The following MSH4 variants were observed in gnomAD, a reference collection of about 807,000 sequenced individuals.
MSH4 encodes the protein mutS homolog 4.
In MSH4, 106 loss-of-function variants were observed where a neutral mutation model predicts 113.7. The ratio of observed to expected loss-of-function variants is 0.93; its 90% CI spans 0.80 to 1.10. MSH4 has a LOEUF of 1.10. MSH4 is among the 50% of genes least tolerant of loss of function. The pLI, the probability that MSH4 is intolerant of heterozygous loss-of-function variation, is 0.00. For missense variants in MSH4, 1,061 were observed against 1,093.7 expected (o/e 0.97, Z 0.42); for synonymous variants, 368 against 380.2 (o/e 0.97, Z 0.37).
chr1:75,865,769 C>CACAA (rs563935596), intron 8 of MSH4, among the ~76,000 whole-genome samples: 29 of 152,316 alleles, frequency 1.9e-4, no homozygotes, highest in Admixed American at 1.1e-3. Flanking sequence ...AATTAGAACA[C>CACAA]ACAAGGCCAT....
At chr1:75,805,456 C>T (rs144182205) in intron 2 of MSH4, among the ~76,000 whole-genome samples, 2,204 of 149,366 alleles carry the variant, frequency 0.015, 52 homozygotes, top group African/African-American at 0.05. Flanking sequence ...GGCACCATCT[C>T]GGCTCATTGC....
chr1:75,899,717 T>G lies in MSH4; in HGVS notation c.2619+11T>G, dbSNP rs769638030. The G allele has an allele frequency of 2.1e-6, 3 of 1,402,898 alleles. No individual in the cohort carries two copies. The highest frequency in any genetic ancestry group is 2.8e-6 in the Non-Finnish European group (3 of 1,055,402). The allele number at this position is 1,402,898 out of a possible 1,614,324, so 86.9% of individuals were successfully genotyped here. A position where few individuals can be genotyped will look rare whatever the true frequency, so the allele number is the denominator to read the frequency against. ...ACGAGACAAATTTTGGTAAGAAACTTTGTTCTTATTTGTTCTTCAAATTAA... is the reference window on the plus strand; with the variant it reads ...ACGAGACAAATTTTGGTAAGAAACTGTGTTCTTATTTGTTCTTCAAATTAA... On this transcript the variant is annotated intron_variant, in intron 19 of 19. Transcript: ENST00000263187.
intron 8 of MSH4, among the ~76,000 whole-genome samples, chr1:75,854,013 G>GTATATA (rs59347058): frequency 4.6e-4 from 54 of 116,502 alleles, no homozygotes; most frequent in South Asian, 8.0e-4. Flanking sequence ...GTGTGTGTGT[G>GTATATA]TATATATATA....
In MSH4 at chr1:75,858,249, CCCTTTATT is replaced by C. The variant is rs1170876152; in HGVS notation, c.1231-9264_1231-9257del. Among the ~76,000 whole-genome samples the C allele has an allele frequency of 1.2e-4, 19 of 152,282 alleles. No individual in the cohort carries two copies. In the South Asian group the frequency reaches 3.5e-3, roughly 28 times the overall value. ...GACTTCCTCTCTTCCTATTCAAATACCCTTTATTTCTTTCTCTTGCCTGATTGCCCTGG... is the reference window on the plus strand; with the variant it reads ...GACTTCCTCTCTTCCTATTCAAATACTCTTTCTCTTGCCTGATTGCCCTGG... On this transcript the variant is annotated intron_variant, in intron 8 of 19. Coordinates refer to ENST00000263187, the MANE Select transcript of MSH4 (RefSeq NM_002440.4).
chr1:75,844,714 A>G (rs75784028), intron 7 of MSH4, among the ~76,000 whole-genome samples: 1 of 152,238 alleles, frequency 6.6e-6, no homozygotes, highest in East Asian at 1.9e-4. Context: ...TTTGTAGAAC[A>G]CTGTAAGCTG....
intron 7 of MSH4, among the ~76,000 whole-genome samples, chr1:75,846,093 G>A (rs529576588): frequency 3.5e-5 from 5 of 142,720 alleles, no homozygotes; most frequent in South Asian, 2.1e-4. Context: ...AATTAAGGAA[G>A]CAGAGTTCCA....
chr1:75,877,852 G>T (rs1651848792), intron 10 of MSH4, among the ~76,000 whole-genome samples: 1 of 152,154 alleles, frequency 6.6e-6, no homozygotes, highest in Non-Finnish European at 1.5e-5. Flanking sequence ...GTTCTTTAGA[G>T]ATGTATTTTG....
chr1:75,901,462 C>T (rs1652504274), intron 19 of MSH4, among the ~76,000 whole-genome samples: 3 of 152,062 alleles, frequency 2.0e-5, no homozygotes, highest in African/African-American at 7.2e-5. Context: ...ATTCTTTATC[C>T]ATGTTGCTAC....
At chr1:75,910,306 C>T (rs1652762111) in intron 19 of MSH4, among the ~76,000 whole-genome samples, 1 of 152,040 alleles carries the variant, frequency 6.6e-6, no homozygotes, top group South Asian at 2.1e-4. Context: ...CTTGACACTA[C>T]CCTTGTTTTC....
At position 75,881,184 on chromosome 1, in the gene MSH4, G is replaced by A. The variant is rs981374339; in HGVS notation, c.1782-62G>A. ...GGCAATGAATTTAATATTATTTTAC[G>A]ATTACAATGTATGTCCCTTTTGAAA... On this transcript the variant is annotated intron_variant, in intron 13 of 19. Coordinates refer to ENST00000263187, the MANE Select transcript of MSH4 (RefSeq NM_002440.4). 10 of 1,287,732 alleles carry A rather than the reference G, an allele frequency of 7.8e-6. 1 individual carries two copies. In the South Asian group the frequency reaches 8.1e-5, roughly 10 times the overall value. The allele number at this position is 1,287,732 out of a possible 1,614,324, so 79.8% of individuals were successfully genotyped here.
chr1:75,806,956 C>T, intron 2 of MSH4, 25 bp from the exon 3 acceptor site: 3 of 1,530,300 alleles, frequency 2.0e-6, no homozygotes, highest in Non-Finnish European at 2.6e-6. Context: ...ATGTTTATAT[C>T]TTTTCTTTAT....
At chr1:75,840,524 T>TA (rs1553134283) in intron 7 of MSH4, among the ~76,000 whole-genome samples, 1 of 66,668 alleles carries the variant, frequency 1.5e-5, no homozygotes, top group East Asian at 4.2e-4. Flanking sequence ...TGTTGTGGGG[T>TA]GGGGGAGGGG....
chr1:75,804,281 T>C (rs767379766), intron 2 of MSH4, among the ~76,000 whole-genome samples: 3 of 152,072 alleles, frequency 2.0e-5, no homozygotes, highest in Non-Finnish European at 4.4e-5. Context: ...GAGATTTTCT[T>C]GAAGAGTAGA....
At position 75,913,001 on chromosome 1, in the gene MSH4, A is replaced by G. The variant is rs1422611063; in HGVS notation, c.*114A>G. The stretch of plus-strand genomic sequence containing the variant: ...ATTTCATATTTTAATTGAAAATTAC[A>G]TTATATTAACATCACAATTGTCATC... On this transcript the variant is annotated 3_prime_UTR_variant, in exon 20 of 20. Transcript: ENST00000263187. The G allele has an allele frequency of 9.2e-6, 5 of 545,518 alleles. No homozygotes were observed. The highest frequency in any genetic ancestry group is 8.5e-5 in the Admixed American group (2 of 23,614). The allele number at this position is 545,518 out of a possible 1,614,324, so 33.8% of individuals were successfully genotyped here. A position where few individuals can be genotyped will look rare whatever the true frequency, so the allele number is the denominator to read the frequency against.
intron 7 of MSH4, among the ~76,000 whole-genome samples, chr1:75,842,209 GGGAATGTT>G: frequency 6.6e-6 from 1 of 152,146 alleles, no homozygotes; most frequent in Non-Finnish European, 1.5e-5. Flanking sequence ...CTGAAGACCT[GGGAATGTT>G]CAGGTTAAGA....
chr1:75,797,894 AGATTGC>A (rs1371348028), intron 1 of MSH4, among the ~76,000 whole-genome samples: 1 of 152,192 alleles, frequency 6.6e-6, no homozygotes, highest in East Asian at 1.9e-4. Flanking sequence ...CCGTGAGCTG[AGATTGC>A]GCCACTGCAT....
intron 6 of MSH4, among the ~76,000 whole-genome samples, chr1:75,818,637 A>T (rs990183862): frequency 6.6e-6 from 1 of 152,122 alleles, no homozygotes; most frequent in Non-Finnish European, 1.5e-5. Flanking sequence ...TCATCTTTGC[A>T]TTGCTGCCTT....
Position 75,796,909 on chromosome 1 carries a change from C to T in MSH4, c.-77C>T, listed in dbSNP as rs745345158. On this transcript the variant is annotated 5_prime_UTR_variant, in exon 1 of 20. Coordinates refer to ENST00000263187, the MANE Select transcript of MSH4 (RefSeq NM_002440.4). ...GCAGTTCTCCCGCCCGTTTCAGCGG[C>T]GCAGCTTCTGTAGTTGGGCTACTGG... 5.0e-5 allele frequency: 80 copies of T among 1,586,060 alleles called. No homozygotes were observed. The highest frequency in any genetic ancestry group is 5.9e-5 in the Non-Finnish European group (69 of 1,164,130).
chr1:75,882,685 A>C (rs1278439549), intron 14 of MSH4, among the ~76,000 whole-genome samples: 1 of 142,792 alleles, frequency 7.0e-6, no homozygotes, highest in African/African-American at 2.6e-5. Flanking sequence ...AAAAAAAAAA[A>C]AAAATCGGTG....
Sources: allele counts gnomAD v4.1 joint callset (sites outside exome capture counted in the v4.1 genomes callset), GRCh38; gene constraint gnomAD v4.1.1; transcripts MANE v1.5; gene names NCBI Gene and HGNC (gene_info 2026-07-23, HGNC 2026-07-21).